DLC1: variants seen among roughly 807,000 people sequenced by gnomAD.
DLC1 encodes rho GTPase-activating protein 7.
Under a neutral mutation model 140.3 loss-of-function variants are expected in DLC1, and 54 were observed. The observed-to-expected ratio is 0.38, with a 90% CI of 0.31 to 0.48. The LOEUF (loss-of-function observed/expected upper bound fraction) is 0.48. Among genes scored for constraint, DLC1 ranks in the 20% least tolerant of loss-of-function variants. The probability of loss-of-function intolerance (pLI) is 0.96; values close to 1 mark genes in which losing one functional copy is unlikely to be tolerated. For missense variants in DLC1, 2,536 were observed against 1,907.0 expected (o/e 1.33, Z -6.14); for synonymous variants, 986 against 728.1 (o/e 1.35, Z -5.70).
chr8:13,405,949 C>CTTTCTTTCTTTCT (rs1837522819), intron 2 of DLC1, among the ~76,000 whole-genome samples: 2 of 95,980 alleles, frequency 2.1e-5, no homozygotes, highest in Non-Finnish European at 4.4e-5. Flanking sequence ...TTCTTTCTTT[C>CTTTCTTTCTTTCT]TTTCTTTCTT....
intron 4 of DLC1, among the ~76,000 whole-genome samples, chr8:13,312,353 T>A (rs1832702036): frequency 3.1e-4 from 1 of 3,244 alleles, no homozygotes; most frequent in Non-Finnish European, 8.8e-4. Context: ...AGAGCGAGAC[T>A]CCGTCTCAAA....
chr8:13,540,127 A>C (rs1803434506), intron 1 of DLC1, among the ~76,000 whole-genome samples: 3 of 152,240 alleles, frequency 2.0e-5, no homozygotes, highest in South Asian at 4.1e-4. Flanking sequence ...ATACTCTATC[A>C]GTCCTGATGA....
intron 4 of DLC1, among the ~76,000 whole-genome samples, chr8:13,352,117 T>C (rs911295251): frequency 6.6e-6 from 1 of 152,192 alleles, no homozygotes; most frequent in Non-Finnish European, 1.5e-5. Flanking sequence ...AGCTTCTGAG[T>C]TAAGACAACT....
intron 2 of DLC1, among the ~76,000 whole-genome samples, chr8:13,426,963 C>G (rs1306011987): frequency 1.3e-5 from 2 of 152,100 alleles, no homozygotes; most frequent in African/African-American, 4.8e-5. Flanking sequence ...CTATAACTTG[C>G]CGTGCTTAAG....
chr8:13,354,798 A>AG (rs1440589045), intron 4 of DLC1, among the ~76,000 whole-genome samples: 2 of 151,308 alleles, frequency 1.3e-5, no homozygotes, highest in Non-Finnish European at 2.9e-5. Context: ...TAAAAAAAAA[A>AG]ATTAGCTGGG....
intron 2 of DLC1, among the ~76,000 whole-genome samples, chr8:13,412,344 C>G (rs1837817718): frequency 1.3e-5 from 2 of 152,172 alleles, no homozygotes; most frequent in African/African-American, 4.8e-5. Context: ...GCTTGGGAGT[C>G]TCTATCGAAA....
intron 6 of DLC1, among the ~76,000 whole-genome samples, chr8:13,112,223 TG>T (rs1298067480): frequency 6.6e-6 from 1 of 152,194 alleles, no homozygotes; most frequent in Non-Finnish European, 1.5e-5. Context: ...GGAACAGACA[TG>T]GCTGTCAGCA....
In DLC1 at chr8:13,579,359, ATATTTTTAT is replaced by A. The variant is rs1804979997; in HGVS notation, c.-126+25169_-126+25177del. Among the ~76,000 whole-genome samples the A allele has an allele frequency of 1.2e-3, 32 of 27,178 alleles. 5 individuals are homozygous for A. Among genetic ancestry groups the A allele is most frequent in the Non-Finnish European group, 1.4e-3 (23 of 16,616 alleles). 17.8% of individuals were successfully genotyped at this position (27,178 alleles called of 152,430 possible). A position where few individuals can be genotyped will look rare whatever the true frequency, so the allele number is the denominator to read the frequency against. ...TATATATATATATATATATATATAT[ATATTTTTAT>A]ATAATACATATTTATATATTATATA... On this transcript the variant is annotated intron_variant, in intron 1 of 1. Coordinates refer to the DLC1 transcript ENST00000631382.
chr8:13,242,065 T>C (rs1829567403), intron 5 of DLC1, among the ~76,000 whole-genome samples: 1 of 152,178 alleles, frequency 6.6e-6, no homozygotes, highest in Non-Finnish European at 1.5e-5. Flanking sequence ...GGAGGATCTC[T>C]TTTATAGGTA....
chr8:13,431,511 A>AAAAAAAG (rs1838868253), intron 2 of DLC1, among the ~76,000 whole-genome samples: 23 of 132,084 alleles, frequency 1.7e-4, no homozygotes, highest in African/African-American at 2.2e-4. Context: ...AAAAAAAAAA[A>AAAAAAAG]AAAAGAAAAG....
At chr8:13,205,576 A>C (rs1827620420) in intron 5 of DLC1, among the ~76,000 whole-genome samples, 1 of 152,210 alleles carries the variant, frequency 6.6e-6, no homozygotes, top group African/African-American at 2.4e-5. Context: ...TGGGCCAGAC[A>C]TAAAATAGAC....
At chr8:13,332,388 G>A (rs1368057009) in intron 4 of DLC1, among the ~76,000 whole-genome samples, 1 of 151,672 alleles carries the variant, frequency 6.6e-6, no homozygotes, top group African/African-American at 2.4e-5. Context: ...TACCTTGGTA[G>A]CTGCTGGAAA....
chr8:13,153,102 G>A (rs1476983250), intron 5 of DLC1, among the ~76,000 whole-genome samples: 2 of 152,194 alleles, frequency 1.3e-5, no homozygotes, highest in Non-Finnish European at 2.9e-5. Flanking sequence ...TGGTCTCACT[G>A]ACTTCAAGAA....
At chr8:13,208,769 C>CAT (rs1563165924) in intron 5 of DLC1, among the ~76,000 whole-genome samples, 1 of 150,348 alleles carries the variant, frequency 6.7e-6, no homozygotes, top group Non-Finnish European at 1.5e-5. Context: ...CACACACACA[C>CAT]ACACACTTCT....
intron 5 of DLC1, among the ~76,000 whole-genome samples, chr8:13,143,813 T>TGAGAGAGAGGGA (rs1823202859): frequency 7.8e-6 from 1 of 128,642 alleles, no homozygotes; most frequent in African/African-American, 3.1e-5. Flanking sequence ...AATGAAAAGC[T>TGAGAGAGAGGGA]GAGAGAGAGA....
At chr8:13,134,425 C>T (rs1488953801) in intron 5 of DLC1, among the ~76,000 whole-genome samples, 2 of 151,970 alleles carry the variant, frequency 1.3e-5, no homozygotes, top group Non-Finnish European at 2.9e-5. Context: ...GTTACTTTCT[C>T]GTGGGAAAAA....
chr8:13,139,238 G>A (rs1437937048), intron 5 of DLC1, among the ~76,000 whole-genome samples: 1 of 124,104 alleles, frequency 8.1e-6, no homozygotes, highest in Non-Finnish European at 1.6e-5. Context: ...GGATTAAGCT[G>A]AGAATGTGCC....
rs572158878 is a variant in DLC1, at chr8:13,531,888, C to G, written c.-125-31692G>C. Among the ~76,000 whole-genome samples, 277 of 152,254 alleles carry G rather than the reference C, an allele frequency of 1.8e-3. 2 individuals carry two copies. The highest frequency in any genetic ancestry group is 3.2e-3 in the Non-Finnish European group (216 of 68,030). ...ATTACAAAAGGAAAAAATAAACCCC[C>G]TACTTATTTCTCCCACTTTAAAAAT... On this transcript the variant is annotated intron_variant, in intron 1 of 1. Transcript: ENST00000631382.
intron 4 of DLC1, among the ~76,000 whole-genome samples, chr8:13,347,821 G>T (rs1403756432): frequency 2.0e-5 from 3 of 152,130 alleles, no homozygotes; most frequent in Non-Finnish European, 4.4e-5. Context: ...TCCAGGGAAA[G>T]GGCATTAAAA....
Sources: gnomAD v4.1 joint callset for allele counts (sites outside exome capture counted in the v4.1 genomes callset) on GRCh38, gnomAD v4.1.1 for gene constraint, MANE v1.5 for transcripts, NCBI Gene and HGNC (gene_info 2026-07-23, HGNC 2026-07-21) for gene names.